S100PBP: variants seen among roughly 807,000 people sequenced by gnomAD.
S100PBP encodes the protein S100P binding protein.
Under a neutral mutation model 39.9 loss-of-function variants are expected in S100PBP, and 15 were observed. The observed-to-expected ratio is 0.38, with a 90% confidence interval of 0.25 to 0.58. The LOEUF is 0.58. Among genes scored for constraint, S100PBP ranks in the 20% least tolerant of loss-of-function variants. The pLI is 0.70. For missense variants in S100PBP, 504 were observed against 487.3 expected, an observed-to-expected ratio of 1.03 and a Z score of -0.32; for synonymous variants, 178 against 180.3, an observed-to-expected ratio of 0.99 and a Z score of 0.10.
In S100PBP at chr1:32,826,686, A is replaced by C; in HGVS notation, c.587A>C (p.Glu196Ala). The C allele has an allele frequency of 6.2e-7, 1 of 1,614,154 alleles. No homozygotes were observed. Among genetic ancestry groups the C allele is most frequent in the Non-Finnish European group, 8.5e-7 (1 of 1,180,024 alleles). The change falls in exon 3 of 7, where the codon GAA (glutamate) becomes GCA (alanine). Residue 196 changes from glutamate (E) to alanine (A), a missense_variant. Physicochemically the swap from Glu to Ala is moderately radical, Grantham distance 107. Coordinates refer to ENST00000373475, the MANE Select transcript of S100PBP (RefSeq NM_022753.4). ...CCAAATGAAAGCAAACTTTGTACTGAATCTGAAGGGATCAGCCCCAATAAC... is the reference window on the plus strand; with the variant it reads ...CCAAATGAAAGCAAACTTTGTACTGCATCTGAAGGGATCAGCCCCAATAAC... ...LSPNESKLCTESEGISPNNSA... is the reference protein window; with the variant it reads ...LSPNESKLCTASEGISPNNSA...
chr1:32,828,578 T>C lies in S100PBP; in HGVS notation c.920+497T>C, dbSNP rs557972949. Among the ~76,000 whole-genome samples the C allele has an allele frequency of 5.9e-5, 9 of 152,320 alleles. No homozygotes were observed. In the South Asian group the frequency reaches 1.2e-3, roughly 21 times the overall value. On this transcript the variant is annotated intron_variant, in intron 4 of 6. Transcript: ENST00000373475. Reference sequence around the variant, plus strand: ...GGTTGCCAGGAGATGGCAGTATCTTTACATGGTCCTTTTAAATTGAATCTA... The same window carrying C: ...GGTTGCCAGGAGATGGCAGTATCTTCACATGGTCCTTTTAAATTGAATCTA...
At chr1:32,835,097 G>A (rs1639759000) in intron 5 of S100PBP, 1 of 152,126 alleles carries the variant, frequency 6.6e-6, no homozygotes, top group Non-Finnish European at 1.5e-5. Flanking sequence ...CGAAGATCAG[G>A]CCATTGCACT....
chr1:32,849,460 G>C (rs1640521717), intron 5 of S100PBP, among the ~76,000 whole-genome samples: 1 of 152,216 alleles, frequency 6.6e-6, no homozygotes. Context: ...GGAGGTTATA[G>C]AGTTTGCCAT....
chr1:32,852,185 C>T (rs1316995629), intron 5 of S100PBP, among the ~76,000 whole-genome samples: 5 of 152,076 alleles, frequency 3.3e-5, no homozygotes, highest in African/African-American at 9.6e-5. Flanking sequence ...TGGTGATAGG[C>T]GCCTGTAGTC....
intron 1 of S100PBP, among the ~76,000 whole-genome samples, chr1:32,821,779 C>T (rs1369953666): frequency 1.3e-5 from 2 of 152,030 alleles, no homozygotes; most frequent in Admixed American, 1.3e-4. Context: ...GGGCTACAGG[C>T]CCGCGTCACC....
Position 32,858,774 on chromosome 1 carries a change from A to G in S100PBP, c.*2736A>G, listed in dbSNP as rs1273102025. On this transcript the variant is annotated 3_prime_UTR_variant, in exon 7 of 7. Coordinates refer to ENST00000373475, the MANE Select transcript of S100PBP (RefSeq NM_022753.4). ...TGATTTACTGGCGTTGTCAGTTTCA[A>G]TTATGAAACTGAAGTTTGGTGCCTC... 2 of 152,132 alleles carry G rather than the reference A, an allele frequency of 1.3e-5. No homozygotes were observed. Among genetic ancestry groups the G allele is most frequent in the Non-Finnish European group, 1.5e-5 (1 of 68,012 alleles). 9.4% of individuals were successfully genotyped at this position (152,132 alleles called of 1,614,324 possible).
intron 6 of S100PBP, among the ~76,000 whole-genome samples, chr1:32,855,276 C>T (rs1282588366): frequency 1.3e-5 from 2 of 152,006 alleles, no homozygotes; most frequent in Admixed American, 6.6e-5. Context: ...TTTTAGAATG[C>T]GTATCTTCAG....
intron 5 of S100PBP, among the ~76,000 whole-genome samples, chr1:32,840,957 G>A (rs1640062675): frequency 6.6e-6 from 1 of 151,634 alleles, no homozygotes; most frequent in African/African-American, 2.4e-5. Context: ...TCAGGAGATT[G>A]AGGCCGTCCT....
At chr1:32,835,218 ATTAC>A (rs565896060) in intron 5 of S100PBP, 1 of 152,180 alleles carries the variant, frequency 6.6e-6, no homozygotes, top group African/African-American at 2.4e-5. Context: ...AAGATTTTCT[ATTAC>A]TTTACTATTA....
intron 1 of S100PBP, among the ~76,000 whole-genome samples, chr1:32,822,951 G>A (rs768997233): frequency 2.7e-5 from 4 of 150,632 alleles, no homozygotes; most frequent in Non-Finnish European, 4.5e-5. Flanking sequence ...GAATTTAGAA[G>A]GCCTGAGTTT....
At position 32,826,152 on chromosome 1, in the gene S100PBP, C is replaced by A. The variant is rs775093711; in HGVS notation, c.53C>A (p.Pro18His). 1 of 1,614,050 alleles carries A rather than the reference C, an allele frequency of 6.2e-7. No homozygotes were observed. The highest frequency in any genetic ancestry group is 1.7e-5 in the Admixed American group (1 of 60,018). ...SEQSSGTSLL[P>H]KDGAPFSWDS... ...CAGTCTTCTGGTACCTCTCTCTTGC[C>A]TAAAGACGGTGCCCCATTTTCTTGG... is the stretch of plus-strand genomic sequence containing the variant. Residue 18 changes from proline (P) to histidine (H), a missense_variant, in exon 3 of 7, where the codon CCT becomes CAT. Physicochemically the swap from Pro to His is moderately conservative, Grantham distance 77 (BLOSUM62 -2). Transcript: ENST00000373475.
Position 32,826,336 on chromosome 1 carries a change from G to A in S100PBP, c.237G>A (p.Gly79=). 1.2e-6 allele frequency: 2 copies of A among 1,614,044 alleles called. No individual in the cohort carries two copies. The highest frequency in any genetic ancestry group is 3.3e-5 in the Admixed American group (2 of 60,006). Reference sequence around the variant, plus strand: ...AGTCTTCTGGGGAAGATGATGGTGGGCATGTTGAGAAGGGAGAAAGAGGGA... The same window carrying A: ...AGTCTTCTGGGGAAGATGATGGTGGACATGTTGAGAAGGGAGAAAGAGGGA... The part of the protein sequence containing the change: ...YEQSSGEDDG[G]HVEKGERGSQ... The change falls in exon 3 of 7, where the codon GGG becomes GGA. Residue 79 remains glycine, a synonymous_variant. Coordinates refer to ENST00000373475, the MANE Select transcript of S100PBP (RefSeq NM_022753.4).
intron 2 of S100PBP, 157 bp downstream of exon 2, chr1:32,825,586 A>C (rs866522117): frequency 6.5e-6 from 1 of 153,218 alleles, no homozygotes; most frequent in Non-Finnish European, 1.5e-5. Flanking sequence ...TCATTCCATG[A>C]TAGTACATAC....
rs986231269 is a variant in S100PBP at position 32,829,993 on chromosome 1, A to G, written c.950A>G (p.Asn317Ser). 6.2e-7 allele frequency: 1 copy of G among 1,614,030 alleles called. No individual in the cohort carries two copies. The highest frequency in any genetic ancestry group is 1.3e-5 in the African/African-American group (1 of 75,036). The change falls in exon 5 of 7, where the codon AAT becomes AGT. Residue 317 changes from asparagine (N) to serine (S), a missense_variant. Asn to Ser is a conservative substitution (Grantham distance 46, BLOSUM62 1). Transcript: ENST00000373475. ...RTNVPTFSQS[N>S]LEQQKQLYLR... is the part of the protein sequence containing the mutation. Reference sequence around the variant, plus strand: ...AATGTTCCGACGTTTTCACAGTCAAATCTAGAACAGCAGAAGCAGCTTTAT... The same window carrying G: ...AATGTTCCGACGTTTTCACAGTCAAGTCTAGAACAGCAGAAGCAGCTTTAT...
chr1:32,829,853 C>A, intron 4 of S100PBP, 111 bp from the exon 5 acceptor site: 1 of 707,232 alleles, frequency 1.4e-6, no homozygotes, highest in Non-Finnish European at 2.4e-6. Context: ...GATAATTTTG[C>A]CTCTGAAACT....
chr1:32,833,540 T>C (rs1639691485), intron 5 of S100PBP, among the ~76,000 whole-genome samples: 2 of 152,046 alleles, frequency 1.3e-5, no homozygotes, highest in Admixed American at 6.6e-5. Context: ...TTTTGTATTT[T>C]TAGTAGAGAC....
At chr1:32,851,822 C>T (rs1356054569) in intron 5 of S100PBP, among the ~76,000 whole-genome samples, 1 of 152,150 alleles carries the variant, frequency 6.6e-6, no homozygotes, top group African/African-American at 2.4e-5. Context: ...AGGCTAGGCC[C>T]AGCAATCTGT....
At chr1:32,836,593 T>C in intron 5 of S100PBP, 1 of 981,784 alleles carries the variant, frequency 1.0e-6, no homozygotes, top group Non-Finnish European at 1.2e-6. Context: ...TTTGTAGAGT[T>C]GTTAATTGCT....
rs139787430 is a variant in S100PBP at position 32,842,180 on chromosome 1, C to CA, written c.1025-10876dup. On this transcript the variant is annotated intron_variant, in intron 5 of 6. Transcript: ENST00000373475. ...TGGGTGACAGAGTGTAAGACTGTCT[C>CA]AAAAAAAAAAAAAAAAAAAAAAACA... 2.8e-4 allele frequency among the ~76,000 whole-genome samples: 16 copies of CA among 56,420 alleles called. 1 individual carries two copies. Among genetic ancestry groups the CA allele is most frequent in the African/African-American group, 6.5e-4 (9 of 13,804 alleles). The allele number at this position is 56,420 out of a possible 152,430, so 37.0% of individuals were successfully genotyped here.
Sources: allele counts gnomAD v4.1 joint callset (sites outside exome capture counted in the v4.1 genomes callset), GRCh38; gene constraint gnomAD v4.1.1; transcripts MANE v1.5; gene names NCBI Gene and HGNC (gene_info 2026-07-23, HGNC 2026-07-21).